TNRC6A: variants seen among roughly 807,000 people sequenced by gnomAD.
The protein encoded by TNRC6A is trinucleotide repeat containing adaptor 6A.
TNRC6A carries 44 observed loss-of-function variants against 221.2 expected under a neutral mutation model. The observed-to-expected ratio is 0.20, with a 90% CI of 0.16 to 0.26. The LOEUF (loss-of-function observed/expected upper bound fraction) is 0.26, where lower values mean the gene tolerates loss of function less well. Ranked by LOEUF, TNRC6A falls within the 10% of genes least tolerant of loss-of-function variation. TNRC6A has a pLI of 1.00. For missense variants in TNRC6A, 2,199 were observed against 2,404.4 expected, an observed-to-expected ratio of 0.91 and a Z score of 1.79; for synonymous variants, 847 against 838.5, an observed-to-expected ratio of 1.01 and a Z score of -0.18.
chr16:24,695,178 C>A lies in TNRC6A; in HGVS notation n.402+54169C>A, dbSNP rs866437142. 3.9e-5 allele frequency among the ~76,000 whole-genome samples: 6 copies of A among 152,214 alleles called. No individual in the cohort carries two copies. In the Middle Eastern group the frequency reaches 0.01, roughly 259 times the overall value. On this transcript the variant is annotated intron_variant and non_coding_transcript_variant, in intron 2 of 2. Transcript: ENST00000566108. ...CATTTCTGTTTTCCTCCTCTTCTAG[C>A]TGAAGAAAACGAAACTCTGGGGAGT...
chr16:24,793,752 T>C, intron 7 of TNRC6A, 103 bp downstream of exon 7: 2 of 967,922 alleles, frequency 2.1e-6, no homozygotes, highest in Non-Finnish European at 2.7e-6. Context: ...TTATAATATA[T>C]TCATATAATG....
At chr16:24,741,511 G>T (rs767520182) in intron 2 of TNRC6A, among the ~76,000 whole-genome samples, 2 of 152,084 alleles carry the variant, frequency 1.3e-5, no homozygotes, top group Non-Finnish European at 2.9e-5. Context: ...GCTAGATTTG[G>T]TTTGTTAGTC....
Position 24,791,192 on chromosome 16 carries a change from T to C in TNRC6A, c.2550T>C (p.Ser850=), listed in dbSNP as rs1329522890. ...GACAAAAATCAAGCCAAGGGTGGTC[T>C]GTTTCTGCCAGTGATAACTGGGGAG... ...GDGQKSSQGW[S]VSASDNWGET... The change falls in exon 6 of 25, where the codon TCT becomes TCC. Residue 850 remains serine (S), a synonymous_variant. Transcript: ENST00000395799. 2.3e-5 allele frequency: 37 copies of C among 1,614,066 alleles called. No individual in the cohort carries two copies. The highest frequency in any genetic ancestry group is 1.6e-4 in the Middle Eastern group (1 of 6,084).
At chr16:24,667,280 C>T (rs1433670981) in intron 2 of TNRC6A, among the ~76,000 whole-genome samples, 1 of 152,104 alleles carries the variant, frequency 6.6e-6, no homozygotes, top group East Asian at 1.9e-4. Context: ...CTGTCCCGTG[C>T]CTGGGCCTCA....
intron 3 of TNRC6A, among the ~76,000 whole-genome samples, chr16:24,753,688 G>T (rs2057186466): frequency 1.3e-5 from 2 of 152,298 alleles, no homozygotes; most frequent in South Asian, 2.1e-4. Flanking sequence ...GAGCCAGCAG[G>T]TGTATCCAGG....
intron 2 of TNRC6A, among the ~76,000 whole-genome samples, chr16:24,659,991 G>A (rs973573474): frequency 6.6e-6 from 1 of 152,066 alleles, no homozygotes; most frequent in African/African-American, 2.4e-5. Context: ...GCTGGGAGAG[G>A]TGAGCTATAG....
At position 24,793,528 on chromosome 16, in the gene TNRC6A, T is replaced by C; in HGVS notation, c.3231T>C (p.Gly1077=). The change falls in exon 7 of 25, where the codon GGT becomes GGC. Residue 1077 remains glycine, a synonymous_variant. Transcript: ENST00000395799. ...CTCCAGCCACAACTGTGGATAATGGTACTTCAGCATGGGGTAAGCCCATAG... is the reference window on the plus strand; with the variant it reads ...CTCCAGCCACAACTGTGGATAATGGCACTTCAGCATGGGGTAAGCCCATAG... ...PSTPATTVDN[G]TSAWGKPIDS... 1.3e-6 allele frequency: 2 copies of C among 1,555,016 alleles called. No homozygotes were observed. The highest frequency in any genetic ancestry group is 1.9e-5 in the Admixed American group (1 of 53,962).
chr16:24,816,662 A>G, intron 19 of TNRC6A, 154 bp from the exon 20 acceptor site: 1 of 861,584 alleles, frequency 1.2e-6, no homozygotes, highest in South Asian at 2.0e-5. Context: ...TATAATACTA[A>G]TTGTATTAAC....
chr16:24,675,694 CTCTCTCTCTA>C (rs1221280929), intron 2 of TNRC6A, among the ~76,000 whole-genome samples: 93 of 81,078 alleles, frequency 1.1e-3, no homozygotes, highest in Middle Eastern at 5.4e-3. Flanking sequence ...CTCTCTCTCT[CTCTCTCTCTA>C]TATATATATA....
intron 1 of TNRC6A, among the ~76,000 whole-genome samples, chr16:24,616,597 C>CAT (rs1900363398): frequency 1.3e-5 from 2 of 152,080 alleles, no homozygotes; most frequent in South Asian, 4.1e-4. Flanking sequence ...TTTGACCCAG[C>CAT]ATATGGTCAG....
chr16:24,639,814 T>G (rs1272302247), intron 1 of TNRC6A, among the ~76,000 whole-genome samples: 4 of 152,060 alleles, frequency 2.6e-5, no homozygotes, highest in Non-Finnish European at 5.9e-5. Flanking sequence ...ATTTGGTTAA[T>G]TTTTGTTTGT....
rs750349764 is a variant in TNRC6A at position 24,790,457 on chromosome 16, A to G, written c.1815A>G (p.Ala605=). ...GGSRRGWGTP[A]QNTGTNLPSV... ...GTCGAAGAGGATGGGGAACCCCTGC[A>G]CAAAACACTGGCACTAATTTACCCA... is the stretch of plus-strand genomic sequence containing the variant. The change falls in exon 6 of 25, where the codon GCA becomes GCG. Residue 605 remains alanine (A), a synonymous_variant. Coordinates refer to ENST00000395799, the MANE Select transcript of TNRC6A (RefSeq NM_014494.4). 3 of 1,614,278 alleles carry G rather than the reference A, an allele frequency of 1.9e-6. No homozygotes were observed. The African/African-American group carries it at 4.0e-5, about 22-fold the overall frequency.
At chr16:24,665,754 C>G (rs1030506376) in intron 2 of TNRC6A, among the ~76,000 whole-genome samples, 1 of 152,142 alleles carries the variant, frequency 6.6e-6, no homozygotes, top group African/African-American at 2.4e-5. Context: ...CCAGTCCTAG[C>G]TGGTCAAAAT....
chr16:24,728,063 A>G (rs947262399), upstream of TNRC6A, among the ~76,000 whole-genome samples: 23 of 152,234 alleles, frequency 1.5e-4, no homozygotes, highest in Non-Finnish European at 4.4e-5. Context: ...CTGTGCATTC[A>G]TTCACTAGCT....
rs1277740331 is a variant in TNRC6A at position 24,712,373 on chromosome 16, A to G, written n.403-38353A>G. 6.6e-5 allele frequency among the ~76,000 whole-genome samples: 10 copies of G among 152,212 alleles called. 1 individual carries two copies. Among genetic ancestry groups the G allele is most frequent in the Admixed American group, 6.5e-4 (10 of 15,280 alleles). ...TATATATACATTCTTAGCTTATCATAGTCTACCCTTAAACAATAGCATACC... is the reference window on the plus strand; with the variant it reads ...TATATATACATTCTTAGCTTATCATGGTCTACCCTTAAACAATAGCATACC... On this transcript the variant is annotated intron_variant and non_coding_transcript_variant, in intron 2 of 2. Transcript: ENST00000566108.
intron 2 of TNRC6A, among the ~76,000 whole-genome samples, chr16:24,664,646 T>TTATTATTAATAAA (rs1555486849): frequency 0.026 from 3,668 of 141,504 alleles, 122 homozygotes; most frequent in East Asian, 0.13. Context: ...ATAAATATAT[T>TTATTATTAATAAA]TATTAATAAT....
chr16:24,757,431 AAAC>A (rs2057275914), intron 3 of TNRC6A, among the ~76,000 whole-genome samples: 1 of 152,252 alleles, frequency 6.6e-6, no homozygotes, highest in South Asian at 2.1e-4. Context: ...TGCTATTTAG[AAAC>A]AACAACTGGT....
At chr16:24,815,046 C>T in intron 18 of TNRC6A, 101 bp from the exon 19 acceptor site, 1 of 1,346,742 alleles carries the variant, frequency 7.4e-7, no homozygotes, top group Non-Finnish European at 1.0e-6. Context: ...GCCTAGAGCC[C>T]ACAGATCTAA....
At chr16:24,781,749 C>T (rs937485686) in intron 5 of TNRC6A, among the ~76,000 whole-genome samples, 5 of 152,100 alleles carry the variant, frequency 3.3e-5, no homozygotes, top group African/African-American at 1.2e-4. Context: ...ATCTAGAAAC[C>T]TTGAAATCAT....
Sources: gnomAD v4.1 joint callset for allele counts (sites outside exome capture counted in the v4.1 genomes callset) on GRCh38, gnomAD v4.1.1 for gene constraint, MANE v1.5 for transcripts, NCBI Gene and HGNC (gene_info 2026-07-23, HGNC 2026-07-21) for gene names.